The following PTPRT variants were observed in gnomAD, a reference collection of about 807,000 sequenced individuals.
The protein encoded by PTPRT is protein tyrosine phosphatase receptor type T, also known as receptor-type tyrosine-protein phosphatase T.
Under a neutral mutation model 176.8 loss-of-function variants are expected in PTPRT, and 56 were observed. The observed-to-expected ratio is 0.32, with a 90% CI of 0.26 to 0.40. The LOEUF (loss-of-function observed/expected upper bound fraction) is 0.40, where lower values mean the gene tolerates loss of function less well. Among genes scored for constraint, PTPRT ranks in the 10% least tolerant of loss-of-function variants. PTPRT has a pLI of 1.00. For missense variants in PTPRT, 1,540 were observed against 1,908.2 expected, an observed-to-expected ratio of 0.81 and a Z score of 3.60; for synonymous variants, 783 against 739.0, an observed-to-expected ratio of 1.06 and a Z score of -0.96.
At chr20:42,284,007 G>A (rs2057185116) in intron 12 of PTPRT, among the ~76,000 whole-genome samples, 1 of 151,982 alleles carries the variant, frequency 6.6e-6, no homozygotes, top group African/African-American at 2.4e-5. Flanking sequence ...TAAAAAAGAG[G>A]TCTGGATAAT....
intron 15 of PTPRT, among the ~76,000 whole-genome samples, chr20:42,233,900 C>T (rs1392172032): frequency 1.3e-5 from 2 of 152,164 alleles, no homozygotes; most frequent in Non-Finnish European, 2.9e-5. Flanking sequence ...TTTATCATTG[C>T]ACCTTCAACT....
intron 7 of PTPRT, among the ~76,000 whole-genome samples, chr20:42,506,858 C>T (rs2071854521): frequency 6.6e-6 from 1 of 152,156 alleles, no homozygotes; most frequent in African/African-American, 2.4e-5. Context: ...GTTTTCTCAA[C>T]CTCTGACCAG....
At chr20:42,338,809 T>A (rs1297585706) in intron 11 of PTPRT, among the ~76,000 whole-genome samples, 1 of 152,128 alleles carries the variant, frequency 6.6e-6, no homozygotes, top group Non-Finnish European at 1.5e-5. Context: ...TTCAAGGAAT[T>A]CAGAGGCACA....
chr20:42,211,449 A>T (rs1345241473), intron 15 of PTPRT, among the ~76,000 whole-genome samples: 1 of 151,338 alleles, frequency 6.6e-6, no homozygotes, highest in African/African-American at 2.4e-5. Flanking sequence ...CAAATTTACA[A>T]GAAAAAAACA....
intron 9 of PTPRT, among the ~76,000 whole-genome samples, chr20:42,366,578 G>A (rs1449922828): frequency 6.6e-6 from 1 of 152,174 alleles, no homozygotes; most frequent in Non-Finnish European, 1.5e-5. Context: ...ATCTGAGTGA[G>A]ACATGCCCCT....
intron 2 of PTPRT, among the ~76,000 whole-genome samples, chr20:42,882,147 G>A (rs1172416951): frequency 6.6e-6 from 1 of 152,218 alleles, no homozygotes; most frequent in African/African-American, 2.4e-5. Context: ...TCCAAGATGA[G>A]GAGAACTGCT....
At chr20:42,148,484 CACTT>C (rs1238775995) in intron 17 of PTPRT, among the ~76,000 whole-genome samples, 5 of 152,278 alleles carry the variant, frequency 3.3e-5, no homozygotes, top group South Asian at 2.1e-4. Flanking sequence ...CTCCCTCACT[CACTT>C]CCTTCCTTCC....
At chr20:42,989,153 C>T (rs1376475160) in intron 1 of PTPRT, among the ~76,000 whole-genome samples, 1 of 152,226 alleles carries the variant, frequency 6.6e-6, no homozygotes, top group Non-Finnish European at 1.5e-5. Context: ...TCTCTTTGCT[C>T]CAAGTTATGT....
chr20:43,077,707 GA>G (rs1415605513), intron 1 of PTPRT, among the ~76,000 whole-genome samples: 1 of 152,084 alleles, frequency 6.6e-6, no homozygotes, highest in Non-Finnish European at 1.5e-5. Flanking sequence ...TATGCAGAGG[GA>G]AAAAGGATAC....
At chr20:42,397,168 C>T (rs1600953424) in intron 9 of PTPRT, among the ~76,000 whole-genome samples, 2 of 152,258 alleles carry the variant, frequency 1.3e-5, no homozygotes, top group East Asian at 1.9e-4. Flanking sequence ...GCTAGACCTA[C>T]GATGCGTATT....
At chr20:42,810,418 G>A (rs2077682782) in intron 2 of PTPRT, among the ~76,000 whole-genome samples, 1 of 152,108 alleles carries the variant, frequency 6.6e-6, no homozygotes, top group African/African-American at 2.4e-5. Context: ...TACACACAAG[G>A]GAAGCCTGAA....
chr20:42,663,786 C>T (rs2075267386), intron 7 of PTPRT, among the ~76,000 whole-genome samples: 1 of 152,122 alleles, frequency 6.6e-6, no homozygotes, highest in Non-Finnish European at 1.5e-5. Context: ...CCATTAGATA[C>T]ATATACCACA....
intron 23 of PTPRT, among the ~76,000 whole-genome samples, chr20:42,108,473 T>C (rs1396108396): frequency 3.3e-5 from 5 of 152,200 alleles, no homozygotes. Flanking sequence ...CCTCACAGCA[T>C]TAATAGCACA....
At chr20:42,903,060 C>A (rs1419673568) in intron 1 of PTPRT, among the ~76,000 whole-genome samples, 1 of 152,172 alleles carries the variant, frequency 6.6e-6, no homozygotes, top group Admixed American at 6.5e-5. Flanking sequence ...GGGCCCATCT[C>A]GGCTCTTGAC....
chr20:42,789,679 T>C (rs931726539), intron 3 of PTPRT, among the ~76,000 whole-genome samples: 5 of 152,124 alleles, frequency 3.3e-5, no homozygotes, highest in African/African-American at 7.2e-5. Context: ...TTTCAGGAAA[T>C]GCATCATGAA....
At chr20:42,779,813 A>C (rs554211691) in intron 4 of PTPRT, among the ~76,000 whole-genome samples, 2 of 151,404 alleles carry the variant, frequency 1.3e-5, no homozygotes, top group East Asian at 3.9e-4. Context: ...GTGAGGGAAC[A>C]GTGTGCTAAT....
At chr20:42,511,532 G>A (rs1464735722) in intron 7 of PTPRT, among the ~76,000 whole-genome samples, 1 of 151,822 alleles carries the variant, frequency 6.6e-6, no homozygotes, top group African/African-American at 2.4e-5. Flanking sequence ...CATGACTATG[G>A]TCAAGAAGTT....
intron 7 of PTPRT, among the ~76,000 whole-genome samples, chr20:42,629,863 C>T (rs796987770): frequency 3.9e-5 from 6 of 152,304 alleles, no homozygotes; most frequent in African/African-American, 1.4e-4. Flanking sequence ...TGCTGAACAC[C>T]TACACCAATG....
chr20:43,029,103 A>G (rs1021114674), intron 1 of PTPRT, among the ~76,000 whole-genome samples: 1 of 152,192 alleles, frequency 6.6e-6, no homozygotes, highest in Non-Finnish European at 1.5e-5. Context: ...CCTAACCATG[A>G]GATCTATCTT....
Sources: allele counts gnomAD v4.1 joint callset (sites outside exome capture counted in the v4.1 genomes callset), GRCh38; gene constraint gnomAD v4.1.1; transcripts MANE v1.5; gene names NCBI Gene and HGNC (gene_info 2026-07-23, HGNC 2026-07-21).